The following GARNL3 variants were observed in gnomAD, a reference collection of about 807,000 sequenced individuals.
GARNL3 encodes the protein GTPase-activating Rap/Ran-GAP domain-like protein 3.
In GARNL3, 63 loss-of-function variants were observed where a neutral mutation model predicts 125.0. That is an observed-to-expected ratio of 0.50 (90% CI 0.41 to 0.62). The LOEUF (loss-of-function observed/expected upper bound fraction) is 0.62. Among genes scored for constraint, GARNL3 ranks in the 20% least tolerant of loss-of-function variants. The probability of loss-of-function intolerance (pLI) is 0.00; values close to 1 mark genes in which losing one functional copy is unlikely to be tolerated. For synonymous variants in GARNL3, 439 were observed against 457.5 expected (o/e 0.96, Z 0.52); for missense variants, 994 against 1,244.0 (o/e 0.80, Z 3.02).
chr9:127,299,380 T>C (rs1426585411), intron 2 of GARNL3, among the ~76,000 whole-genome samples: 1 of 151,896 alleles, frequency 6.6e-6, no homozygotes, highest in African/African-American at 2.4e-5. Context: ...TTGACTAAAT[T>C]CTATTCCATG....
At chr9:127,263,585 T>C, upstream of GARNL3, 1 of 629,804 alleles carries the variant, frequency 1.6e-6, no homozygotes. Context: ...AGAGGACATA[T>C]TTAATACAGA....
At chr9:127,231,050 A>ATATT (rs1161629810) in intron 1 of GARNL3, among the ~76,000 whole-genome samples, 15 of 89,550 alleles carry the variant, frequency 1.7e-4, no homozygotes, top group African/African-American at 1.0e-3. Context: ...ATATATATAT[A>ATATT]TTTTTTTTTT....
intron 2 of GARNL3, among the ~76,000 whole-genome samples, chr9:127,256,999 G>T (rs1013627072): frequency 2.0e-5 from 3 of 152,120 alleles, no homozygotes; most frequent in South Asian, 2.1e-4. Flanking sequence ...TCTATAATTT[G>T]GTCATTTCAA....
chr9:127,307,406 C>T (rs2064987173), intron 2 of GARNL3, among the ~76,000 whole-genome samples: 1 of 152,218 alleles, frequency 6.6e-6, no homozygotes, highest in Non-Finnish European at 1.5e-5. Context: ...GTGCCATCCA[C>T]GCATCTCTTG....
intron 2 of GARNL3, among the ~76,000 whole-genome samples, chr9:127,295,989 T>C (rs533725366): frequency 6.6e-6 from 1 of 152,320 alleles, no homozygotes; most frequent in African/African-American, 2.4e-5. Flanking sequence ...AATAGACGGT[T>C]CCATCTGGGA....
chr9:127,326,054 A>G (rs2065560698), intron 7 of GARNL3, among the ~76,000 whole-genome samples: 1 of 152,020 alleles, frequency 6.6e-6, no homozygotes, highest in Non-Finnish European at 1.5e-5. Flanking sequence ...TTATTCTTCC[A>G]TCTCCTCAGA....
At chr9:127,315,489 A>C (rs998976046) in intron 4 of GARNL3, among the ~76,000 whole-genome samples, 2 of 151,898 alleles carry the variant, frequency 1.3e-5, no homozygotes, top group Non-Finnish European at 2.9e-5. Context: ...ATAAAATAAA[A>C]ACTTAGCCAT....
At chr9:127,347,791 C>T (rs1208201831) in intron 16 of GARNL3, among the ~76,000 whole-genome samples, 1 of 152,052 alleles carries the variant, frequency 6.6e-6, no homozygotes, top group Non-Finnish European at 1.5e-5. Flanking sequence ...AGCCTTTTTT[C>T]CATTTACAAA....
chr9:127,243,779 G>A (rs557867105), intron 2 of GARNL3, among the ~76,000 whole-genome samples: 26 of 152,124 alleles, frequency 1.7e-4, no homozygotes, highest in Non-Finnish European at 3.5e-4. Context: ...AGACTCTAAG[G>A]CCTATAGGGT....
intron 1 of GARNL3, among the ~76,000 whole-genome samples, chr9:127,273,190 C>A (rs1382813563): frequency 2.0e-5 from 3 of 152,016 alleles, no homozygotes; most frequent in Non-Finnish European, 2.9e-5. Flanking sequence ...ACTGATGATA[C>A]CAGAGCGGTC....
intron 1 of GARNL3, chr9:127,225,289 GCCCGCGGCC>G (rs1250028075): frequency 8.3e-6 from 8 of 968,154 alleles, no homozygotes; most frequent in Admixed American, 1.2e-4. Context: ...GTGCGCCCGA[GCCCGCGGCC>G]CCCGCCCGGG....
chr9:127,348,194 A>G (rs1287709595), intron 16 of GARNL3, among the ~76,000 whole-genome samples: 1 of 152,222 alleles, frequency 6.6e-6, no homozygotes, highest in Non-Finnish European at 1.5e-5. Context: ...GAGGGAAGCT[A>G]AGAATTCTGT....
intron 22 of GARNL3, among the ~76,000 whole-genome samples, chr9:127,378,600 A>C (rs987897865): frequency 6.6e-6 from 1 of 152,076 alleles, no homozygotes; most frequent in Non-Finnish European, 1.5e-5. Flanking sequence ...AAAAAAAAAA[A>C]AAAAACAGAT....
chr9:127,290,160 G>A (rs1299296572), intron 1 of GARNL3, among the ~76,000 whole-genome samples: 2 of 152,202 alleles, frequency 1.3e-5, no homozygotes, highest in African/African-American at 2.4e-5. Context: ...TACATATTAA[G>A]AGCAAAAGAA....
chr9:127,351,510 T>A (rs1038317493), intron 17 of GARNL3, among the ~76,000 whole-genome samples: 4 of 152,208 alleles, frequency 2.6e-5, no homozygotes, highest in African/African-American at 9.7e-5. Context: ...AGGGCCTTCT[T>A]TATATTTCTT....
chr9:127,339,534 A>G (rs574912987), intron 12 of GARNL3, 111 bp from the exon 13 acceptor site: 1 of 755,800 alleles, frequency 1.3e-6, no homozygotes, highest in African/African-American at 1.7e-5. Context: ...CCTGGGTCCC[A>G]CCCATGGCAT....
At chr9:127,271,993 C>T (rs1034045511) in intron 1 of GARNL3, among the ~76,000 whole-genome samples, 1 of 150,278 alleles carries the variant, frequency 6.7e-6, no homozygotes, top group Non-Finnish European at 1.5e-5. Flanking sequence ...TTGTCATGAA[C>T]TCAGGGTAGC....
chr9:127,245,696 C>T (rs1000414255), intron 2 of GARNL3, among the ~76,000 whole-genome samples: 2 of 152,234 alleles, frequency 1.3e-5, no homozygotes, highest in African/African-American at 4.8e-5. Flanking sequence ...CACCTGTGTA[C>T]CAGGCACCTT....
upstream of GARNL3, among the ~76,000 whole-genome samples, chr9:127,260,315 G>A (rs1445645608): frequency 1.3e-5 from 2 of 152,170 alleles, no homozygotes; most frequent in Non-Finnish European, 2.9e-5. Context: ...CATTGTTTGT[G>A]GACCGCCTGC....
Sources: allele counts gnomAD v4.1 joint callset (sites outside exome capture counted in the v4.1 genomes callset), GRCh38; gene constraint gnomAD v4.1.1; transcripts MANE v1.5; gene names NCBI Gene and HGNC (gene_info 2026-07-23, HGNC 2026-07-21).